BORA: variants seen among roughly 807,000 people sequenced by gnomAD.
BORA encodes the protein BORA aurora kinase A activator.
Under a neutral mutation model 55.8 loss-of-function variants are expected in BORA, and 26 were observed. The observed-to-expected ratio is 0.47, with a 90% confidence interval of 0.34 to 0.65. The LOEUF (loss-of-function observed/expected upper bound fraction) is 0.65. Among genes scored for constraint, BORA ranks in the 30% least tolerant of loss-of-function variants. The pLI, the probability that BORA is intolerant of heterozygous loss-of-function variation, is 0.01. For synonymous variants in BORA, 201 were observed against 216.9 expected, an observed-to-expected ratio of 0.93 and a Z score of 0.64; for missense variants, 568 against 671.5, an observed-to-expected ratio of 0.85 and a Z score of 1.70.
rs1432471341 is a variant in BORA, at chr13:72,755,373, A to T, written c.*157A>T. 7.1e-6 allele frequency: 4 copies of T among 561,576 alleles called. No individual in the cohort carries two copies. Among genetic ancestry groups the T allele is most frequent in the Non-Finnish European group, 3.1e-6 (1 of 322,660 alleles). 34.8% of individuals were successfully genotyped at this position (561,576 alleles called of 1,614,324 possible). ...AAAATCAAGGGCTTACTGACATAGG[A>T]ACAACAGAAATGCTCCTGGAACTTC... On this transcript the variant is annotated 3_prime_UTR_variant, in exon 12 of 12. Coordinates refer to ENST00000390667, the MANE Select transcript of BORA (RefSeq NM_024808.5).
chr13:72,747,941 C>G (rs1451339487), intron 10 of BORA, among the ~76,000 whole-genome samples: 1 of 152,148 alleles, frequency 6.6e-6, no homozygotes, highest in Non-Finnish European at 1.5e-5. Flanking sequence ...TCTCTGACAA[C>G]AGGAAAACCT....
chr13:72,755,320 C>A lies in BORA; in HGVS notation c.*104C>A. 3 of 923,478 alleles carry A rather than the reference C, an allele frequency of 3.2e-6. No homozygotes were observed. Among genetic ancestry groups the A allele is most frequent in the Non-Finnish European group, 5.0e-6 (3 of 595,150 alleles). The allele number at this position is 923,478 out of a possible 1,614,324, so 57.2% of individuals were successfully genotyped here. A position where few individuals can be genotyped will look rare whatever the true frequency, so the allele number is the denominator to read the frequency against. ...ACTGGGAAAAAATTACTTCAAGTAA[C>A]ATGCTTAGCTTTCCCTCCTTAATGT... On this transcript the variant is annotated 3_prime_UTR_variant, in exon 12 of 12. Coordinates refer to ENST00000390667, the MANE Select transcript of BORA (RefSeq NM_024808.5).
intron 5 of BORA, among the ~76,000 whole-genome samples, chr13:72,740,531 T>C (rs2033013687): frequency 6.6e-6 from 1 of 152,146 alleles, no homozygotes; most frequent in African/African-American, 2.4e-5. Flanking sequence ...TATCGAGTAG[T>C]ATAGATAGAG....
chr13:72,746,692 CT>C lies in BORA; in HGVS notation c.1065del (p.Glu356ArgfsTer46). The part of the protein sequence containing the change: ...RTSVIQIPFT[L>X]ETQGEDEEDK... Reference sequence around the variant, plus strand: ...CTCAGTGATTCAGATACCTTTTACTCTTGAGACTCAAGGTGAAGATGAGGAA... The same window carrying C: ...CTCAGTGATTCAGATACCTTTTACTCTGAGACTCAAGGTGAAGATGAGGAA... On this transcript the variant is annotated frameshift_variant, in exon 10 of 12. Coordinates refer to ENST00000390667, the MANE Select transcript of BORA (RefSeq NM_024808.5). LOFTEE classifies it high-confidence loss of function. The C allele has an allele frequency of 6.2e-7, 1 of 1,614,122 alleles. No individual in the cohort carries two copies. The highest frequency in any genetic ancestry group is 8.5e-7 in the Non-Finnish European group (1 of 1,179,984).
At chr13:72,749,082 TAG>T (rs2033211348) in intron 10 of BORA, among the ~76,000 whole-genome samples, 2 of 57,978 alleles carry the variant, frequency 3.4e-5, no homozygotes, top group African/African-American at 1.5e-4. Flanking sequence ...GCCACATGGT[TAG>T]CTTTCTGCTA....
intron 2 of BORA, among the ~76,000 whole-genome samples, chr13:72,729,933 A>T (rs544867636): frequency 8.7e-4 from 133 of 152,110 alleles, no homozygotes; most frequent in African/African-American, 2.9e-3. Flanking sequence ...GTTCTTCAGG[A>T]TATTAGAAAA....
At chr13:72,732,573 A>G (rs1257485082) in intron 3 of BORA, among the ~76,000 whole-genome samples, 1 of 152,160 alleles carries the variant, frequency 6.6e-6, no homozygotes, top group East Asian at 1.9e-4. Flanking sequence ...GCTACTCGGG[A>G]GGCCGAGACA....
At chr13:72,740,726 G>A (rs1375036018) in intron 5 of BORA, among the ~76,000 whole-genome samples, 1 of 152,174 alleles carries the variant, frequency 6.6e-6, no homozygotes, top group East Asian at 1.9e-4. Flanking sequence ...GTAAATGAAT[G>A]TGAGTGTGTA....
intron 3 of BORA, among the ~76,000 whole-genome samples, chr13:72,732,868 T>TC (rs1288507244): frequency 2.0e-5 from 3 of 152,162 alleles, no homozygotes; most frequent in African/African-American, 7.2e-5. Context: ...AGTCAAGAGA[T>TC]ACTTATTGAG....
rs926947721 is a variant in BORA, at chr13:72,743,692, G to A, written c.454+90G>A. The A allele has an allele frequency of 3.3e-6, 3 of 910,182 alleles. No individual in the cohort carries two copies. The African/African-American group carries it at 5.3e-5, about 16-fold the overall frequency. 56.4% of individuals were successfully genotyped at this position (910,182 alleles called of 1,614,324 possible). A position where few individuals can be genotyped will look rare whatever the true frequency, so the allele number is the denominator to read the frequency against. ...AGTTCAGGTAGTAACACTTTACTCT[G>A]GAATTGAAATTGTTTCCTTTTTTTT... is the stretch of plus-strand genomic sequence containing the variant. On this transcript the variant is annotated intron_variant, in intron 6 of 11. Coordinates refer to ENST00000390667, the MANE Select transcript of BORA (RefSeq NM_024808.5).
At chr13:72,747,450 G>A (rs1209907577) in intron 10 of BORA, among the ~76,000 whole-genome samples, 2 of 152,038 alleles carry the variant, frequency 1.3e-5, no homozygotes, top group Non-Finnish European at 2.9e-5. Flanking sequence ...AAACATGCAA[G>A]GTCTGGTATA....
At chr13:72,741,154 CG>C (rs1216545888) in intron 5 of BORA, among the ~76,000 whole-genome samples, 3 of 152,086 alleles carry the variant, frequency 2.0e-5, no homozygotes, top group Non-Finnish European at 4.4e-5. Context: ...GGGATATATA[CG>C]CAGGTAGAGG....
At chr13:72,730,888 TA>T (rs372986974) in intron 2 of BORA, among the ~76,000 whole-genome samples, 15 of 49,020 alleles carry the variant, frequency 3.1e-4, no homozygotes, top group African/African-American at 8.0e-4. Context: ...CCATCTCTAC[TA>T]AAAAAAAAAA....
At chr13:72,738,166 G>T in intron 5 of BORA, 123 bp downstream of exon 5, 1 of 486,226 alleles carries the variant, frequency 2.1e-6, no homozygotes. Context: ...GGATAACATA[G>T]AATTTAACTC....
chr13:72,738,366 T>C (rs148866939), intron 5 of BORA, among the ~76,000 whole-genome samples: 17 of 152,286 alleles, frequency 1.1e-4, no homozygotes, highest in African/African-American at 3.6e-4. Context: ...TTAGCAGTAT[T>C]TTGAAGGTTA....
At chr13:72,742,789 C>T (rs866846465) in intron 5 of BORA, among the ~76,000 whole-genome samples, 1,550 of 149,030 alleles carry the variant, frequency 0.01, 33 homozygotes, top group African/African-American at 0.036. Context: ...CACACACACA[C>T]ACACACACAC....
chr13:72,729,528 T>G (rs1314008550), intron 2 of BORA, among the ~76,000 whole-genome samples: 1 of 152,232 alleles, frequency 6.6e-6, no homozygotes, highest in Non-Finnish European at 1.5e-5. Flanking sequence ...GAGGTTATAC[T>G]CCGATGTATG....
chr13:72,733,902 G>T (rs2032867408), intron 3 of BORA, among the ~76,000 whole-genome samples: 1 of 152,164 alleles, frequency 6.6e-6, no homozygotes, highest in African/African-American at 2.4e-5. Flanking sequence ...CGCGTCCTTT[G>T]CATGGACATG....
In BORA at chr13:72,746,835, T is replaced by C; in HGVS notation, c.1206T>C (p.Thr402=). Residue 402 remains threonine, a synonymous_variant, in exon 10 of 12, where the codon ACT becomes ACC. Transcript: ENST00000390667. ...ASTHGTHLVV[T]AMSVTQNQSS... is the part of the protein sequence containing the mutation. Reference sequence around the variant, plus strand: ...CCCATGGTACACATTTGGTTGTGACTGCCATGTCTGTTACACAAAATCAGT... The same window carrying C: ...CCCATGGTACACATTTGGTTGTGACCGCCATGTCTGTTACACAAAATCAGT... 1 of 1,614,200 alleles carries C rather than the reference T, an allele frequency of 6.2e-7. No individual in the cohort carries two copies. The highest frequency in any genetic ancestry group is 8.5e-7 in the Non-Finnish European group (1 of 1,180,022).
Sources: gnomAD v4.1 joint callset for allele counts (sites outside exome capture counted in the v4.1 genomes callset) on GRCh38, gnomAD v4.1.1 for gene constraint, MANE v1.5 for transcripts, NCBI Gene and HGNC (gene_info 2026-07-23, HGNC 2026-07-21) for gene names.